The following ADAM22 variants were observed in gnomAD, a reference collection of about 807,000 sequenced individuals.
ADAM22 encodes ADAM metallopeptidase domain 22.
In ADAM22, 65 loss-of-function variants were observed where a neutral mutation model predicts 144.6. The observed-to-expected ratio is 0.45, with a 90% CI of 0.37 to 0.55. The LOEUF is 0.55. Ranked by LOEUF, ADAM22 falls within the 20% of genes least tolerant of loss-of-function variation. ADAM22 has a pLI of 0.00. For missense variants in ADAM22, 974 were observed against 1,184.9 expected, an observed-to-expected ratio of 0.82 and a Z score of 2.61; for synonymous variants, 391 against 412.6, an observed-to-expected ratio of 0.95 and a Z score of 0.63.
At chr7:88,163,655 A>G (rs1321371719) in intron 23 of ADAM22, among the ~76,000 whole-genome samples, 5 of 152,108 alleles carry the variant, frequency 3.3e-5, no homozygotes, top group Admixed American at 3.3e-4. Context: ...AATAAAAACA[A>G]TAACTTAGGG....
At chr7:88,061,491 T>C (rs1379000587) in intron 3 of ADAM22, among the ~76,000 whole-genome samples, 1 of 152,232 alleles carries the variant, frequency 6.6e-6, no homozygotes, top group Non-Finnish European at 1.5e-5. Flanking sequence ...GCAAAATGGA[T>C]GTGGTGTTAG....
Position 87,934,437 on chromosome 7 carries a change from C to A in ADAM22, c.-29C>A. 6.3e-7 allele frequency: 1 copy of A among 1,575,240 alleles called. No homozygotes were observed. Among genetic ancestry groups the A allele is most frequent in the East Asian group, 2.3e-5 (1 of 42,778 alleles). ...GGCGCCGGCATGAGGAGCTGAGCGT[C>A]TCGGGCGAGGCGGGCTGACGGCAGC... On this transcript the variant is annotated 5_prime_UTR_variant, in exon 1 of 32. Transcript: ENST00000413139.
At chr7:88,162,888 C>G in intron 22 of ADAM22, 124 bp from the exon 23 acceptor site, 2 of 931,876 alleles carry the variant, frequency 2.1e-6, no homozygotes, top group South Asian at 3.2e-5. Flanking sequence ...GCTTATGCTA[C>G]TGGTCTTTAA....
intron 31 of ADAM22, among the ~76,000 whole-genome samples, chr7:88,194,550 C>T (rs753431978): frequency 2.0e-5 from 3 of 152,122 alleles, no homozygotes; most frequent in East Asian, 1.9e-4. Context: ...ACCACATAGA[C>T]GTGGGCCAAG....
At chr7:88,145,344 A>C in intron 16 of ADAM22, 71 bp from the exon 17 acceptor site, 1 of 1,502,890 alleles carries the variant, frequency 6.7e-7, no homozygotes, top group East Asian at 2.3e-5. Context: ...CATTTATTTT[A>C]GAAAATATCC....
Position 88,131,371 on chromosome 7 carries a change from C to T in ADAM22, c.928C>T (p.Arg310Cys), listed in dbSNP as rs770758181. The T allele has an allele frequency of 7.4e-6, 12 of 1,613,622 alleles. No homozygotes were observed. The highest frequency in any genetic ancestry group is 1.3e-5 in the African/African-American group (1 of 74,850). Residue 310 changes from arginine to cysteine, a missense_variant, in exon 11 of 32, where the codon CGT becomes TGT. Around this residue, in one of 2 missense-constraint regions of ADAM22, gnomAD observed 734 missense variants for 950.6 expected, o/e 0.77. Transcript: ENST00000413139. ...ATCTGAAAATCCATTGATCACCCTA[C>T]GTGAGTTTATGAAATACAGGAGGGA... ...AISENPLITL[R>C]EFMKYRRDFI... is the part of the protein sequence containing the mutation.
intron 3 of ADAM22, among the ~76,000 whole-genome samples, chr7:88,043,246 G>T (rs1441598093): frequency 6.6e-6 from 1 of 151,880 alleles, no homozygotes; most frequent in African/African-American, 2.4e-5. Flanking sequence ...TATACTTTGG[G>T]AGGCCGAGAT....
chr7:88,168,037 C>A, intron 24 of ADAM22, 100 bp from the exon 25 acceptor site: 1 of 901,474 alleles, frequency 1.1e-6, no homozygotes, highest in South Asian at 1.7e-5. Flanking sequence ...TTTTTGAAAA[C>A]AAACAGTGTT....
At chr7:88,164,131 A>G (rs1025350208) in intron 23 of ADAM22, among the ~76,000 whole-genome samples, 4 of 152,232 alleles carry the variant, frequency 2.6e-5, no homozygotes, top group South Asian at 4.1e-4. Flanking sequence ...CTCTGCTCCT[A>G]TGAAGGAGTC....
intron 20 of ADAM22, 112 bp from the exon 21 acceptor site, chr7:88,153,109 G>A (rs117469876): frequency 0.036 from 23,070 of 634,646 alleles, 556 homozygotes; most frequent in Non-Finnish European, 0.048. Context: ...TTTTGGAATT[G>A]ATAACACTGT....
intron 15 of ADAM22, 76 bp from the exon 16 acceptor site, chr7:88,145,049 A>G (rs2129523049): frequency 2.4e-6 from 3 of 1,257,756 alleles, no homozygotes; most frequent in Middle Eastern, 1.9e-4. Flanking sequence ...ATATTTGGGT[A>G]TGGCACTTAT....
chr7:88,027,750 G>A (rs1351787560), intron 3 of ADAM22, among the ~76,000 whole-genome samples: 1 of 149,050 alleles, frequency 6.7e-6, no homozygotes, highest in Non-Finnish European at 1.5e-5. Flanking sequence ...GTGGTTTGCT[G>A]TTGCTTTTCT....
intron 4 of ADAM22, among the ~76,000 whole-genome samples, chr7:88,082,267 G>GA (rs1816930841): frequency 6.6e-6 from 1 of 152,148 alleles, no homozygotes; most frequent in Non-Finnish European, 1.5e-5. Flanking sequence ...ATGGTGCTGG[G>GA]AAAACTGGCT....
At chr7:87,943,121 T>C (rs539421813) in intron 2 of ADAM22, among the ~76,000 whole-genome samples, 2 of 149,034 alleles carry the variant, frequency 1.3e-5, no homozygotes, top group Admixed American at 6.7e-5. Context: ...CTTAAATAAA[T>C]ATAAACATTT....
intron 3 of ADAM22, among the ~76,000 whole-genome samples, chr7:88,055,989 A>C (rs898370998): frequency 1.3e-5 from 2 of 152,178 alleles, no homozygotes; most frequent in Non-Finnish European, 2.9e-5. Context: ...ACCATTATTC[A>C]TGTCTCAGGA....
In ADAM22 at chr7:88,171,526, C is replaced by T; in HGVS notation, c.2283-18C>T. ...AACTCTTATGTTTTTCCCTCTTTCT[C>T]TTCTTGTCCATGAAAAGAAACTATC... On this transcript the variant is annotated intron_variant, in intron 25 of 31. Transcript: ENST00000413139. The T allele has an allele frequency of 6.3e-7, 1 of 1,586,382 alleles. No homozygotes were observed. Among genetic ancestry groups the T allele is most frequent in the African/African-American group, 1.4e-5 (1 of 73,248 alleles).
chr7:88,002,348 C>T (rs1792763296), intron 3 of ADAM22, among the ~76,000 whole-genome samples: 1 of 152,150 alleles, frequency 6.6e-6, no homozygotes, highest in Non-Finnish European at 1.5e-5. Context: ...AGGCCCATTC[C>T]TGTGGCATCC....
chr7:88,092,850 A>G (rs2129485233), intron 4 of ADAM22, among the ~76,000 whole-genome samples: 1 of 152,312 alleles, frequency 6.6e-6, no homozygotes, highest in Admixed American at 6.5e-5. Context: ...GGAAGAAAGG[A>G]AAAATGAAAA....
At chr7:88,053,580 G>A (rs879428311) in intron 3 of ADAM22, among the ~76,000 whole-genome samples, 7,780 of 123,554 alleles carry the variant, frequency 0.063, 493 homozygotes, top group East Asian at 0.13. Flanking sequence ...AGGAGGAAAG[G>A]AAGGAAGGAA....
Sources: allele counts gnomAD v4.1 joint callset (sites outside exome capture counted in the v4.1 genomes callset), GRCh38; gene constraint gnomAD v4.1.1; regional missense constraint gnomAD v4.1.1; transcripts MANE v1.5; gene names NCBI Gene and HGNC (gene_info 2026-07-23, HGNC 2026-07-21).